The following RGS13 variants were observed in gnomAD, a reference collection of about 807,000 sequenced individuals.
RGS13 encodes regulator of G protein signaling 13, also known as regulator of G-protein signalling 13.
In RGS13, 14 loss-of-function variants were observed where a neutral mutation model predicts 19.9. That is an observed-to-expected ratio of 0.70 (90% CI 0.46 to 1.10). The LOEUF (loss-of-function observed/expected upper bound fraction) is 1.10, where lower values mean the gene tolerates loss of function less well. RGS13 is among the 50% of genes least tolerant of loss of function. RGS13 has a pLI of 0.00. For missense variants in RGS13, 205 were observed against 187.1 expected, an observed-to-expected ratio of 1.10 and a Z score of -0.56; for synonymous variants, 60 against 56.8, an observed-to-expected ratio of 1.06 and a Z score of -0.25.
Position 192,655,467 on chromosome 1 carries a change from CTT to C in RGS13, c.128-2731_128-2730del, listed in dbSNP as rs571543123. On this transcript the variant is annotated intron_variant, in intron 5 of 6. Transcript: ENST00000391995. Reference sequence around the variant, plus strand: ...CAGCCTTCGGGCTAAAGGAGCAGCTCTTTTCTAGAATATGCTCTTCTTGTGGT... The same window carrying C: ...CAGCCTTCGGGCTAAAGGAGCAGCTCTTCTAGAATATGCTCTTCTTGTGGT... 6.6e-5 allele frequency among the ~76,000 whole-genome samples: 10 copies of C among 152,196 alleles called. 1 individual carries two copies. The South Asian group carries it at 2.1e-3, about 32-fold the overall frequency.
chr1:192,647,098 A>G (rs559083303), intron 4 of RGS13: 5 of 152,302 alleles, frequency 3.3e-5, no homozygotes, highest in Admixed American at 3.3e-4. Flanking sequence ...CTTTAGGGTT[A>G]CTAACTGTAT....
intron 4 of RGS13, chr1:192,646,582 A>G (rs1226306941): frequency 1.3e-5 from 2 of 152,126 alleles, no homozygotes; most frequent in Non-Finnish European, 1.5e-5. Context: ...TGCTGCACAG[A>G]TCATCCTATC....
At position 192,641,248 on chromosome 1, in the gene RGS13, A is replaced by G. The variant is rs28538801; in HGVS notation, c.-5+3045A>G. 2.2e-3 allele frequency among the ~76,000 whole-genome samples: 100 copies of G among 44,594 alleles called. 1 individual carries two copies. Among genetic ancestry groups the G allele is most frequent in the Non-Finnish European group, 1.5e-3 (23 of 15,460 alleles). 29.3% of individuals were successfully genotyped at this position (44,594 alleles called of 152,430 possible). On this transcript the variant is annotated intron_variant, in intron 3 of 6. Coordinates refer to ENST00000391995, the MANE Select transcript of RGS13 (RefSeq NM_002927.5). ...AGAAAGAAAGAAAGAAAGAAAGAAA[A>G]GAAAGAAAAGAAAGAAAGAAAGAAA...
At chr1:192,652,612 T>G (rs1663362914) in intron 5 of RGS13, among the ~76,000 whole-genome samples, 2 of 152,040 alleles carry the variant, frequency 1.3e-5, no homozygotes, top group Admixed American at 1.3e-4. Flanking sequence ...ATTTTTTTTT[T>G]GGTATTGCTT....
In RGS13 at chr1:192,636,694, T is replaced by C. The variant is rs1347601196; in HGVS notation, c.-116+377T>C. Among the ~76,000 whole-genome samples the C allele has an allele frequency of 2.0e-5, 3 of 151,758 alleles. No individual in the cohort carries two copies. The South Asian group carries it at 6.2e-4, about 31-fold the overall frequency. On this transcript the variant is annotated intron_variant, in intron 1 of 6. Coordinates refer to ENST00000391995, the MANE Select transcript of RGS13 (RefSeq NM_002927.5). ...ATTATTTGTTTCAAAAATCATGCAT[T>C]ACCAAATTATTAGTTCCATCCTTTG... is the stretch of plus-strand genomic sequence containing the variant.
At chr1:192,653,306 T>C (rs2102036636) in intron 5 of RGS13, among the ~76,000 whole-genome samples, 1 of 152,212 alleles carries the variant, frequency 6.6e-6, no homozygotes, top group Admixed American at 6.6e-5. Flanking sequence ...TTTAAACAAC[T>C]ACAAGTTACT....
intron 3 of RGS13, among the ~76,000 whole-genome samples, chr1:192,643,873 G>T (rs775599310): frequency 6.6e-6 from 1 of 152,090 alleles, no homozygotes; most frequent in Non-Finnish European, 1.5e-5. Flanking sequence ...GGTCACCTAA[G>T]ACTGGGGATG....
chr1:192,641,240 GAAAGAAAAGAAAGA>G (rs1195902412), intron 3 of RGS13, among the ~76,000 whole-genome samples: 4 of 90,670 alleles, frequency 4.4e-5, no homozygotes, highest in South Asian at 3.9e-4. Flanking sequence ...AAGAAAGAAA[GAAAGAAAAGAAAGA>G]AAAGAAAGAA....
intron 5 of RGS13, among the ~76,000 whole-genome samples, chr1:192,648,357 A>G (rs1287922316): frequency 1.3e-5 from 2 of 152,140 alleles, no homozygotes; most frequent in African/African-American, 4.8e-5. Context: ...TGCTGTTCTA[A>G]AACTCCTCCC....
chr1:192,654,623 A>T (rs1445131475), intron 5 of RGS13, among the ~76,000 whole-genome samples: 1 of 152,044 alleles, frequency 6.6e-6, no homozygotes, highest in Non-Finnish European at 1.5e-5. Context: ...TTCTAATGGT[A>T]CTGCAACGTA....
In RGS13 at chr1:192,659,774, T is replaced by C; in HGVS notation, c.*251T>C. ...ATATAAGGAAAAGGAAGGTCTTTCT[T>C]CATGATACAAGCATTATAAAGTTTT... On this transcript the variant is annotated 3_prime_UTR_variant, in exon 7 of 7. Coordinates refer to ENST00000391995, the MANE Select transcript of RGS13 (RefSeq NM_002927.5). 1 of 334,412 alleles carries C rather than the reference T, an allele frequency of 3.0e-6. No individual in the cohort carries two copies. 20.7% of individuals were successfully genotyped at this position (334,412 alleles called of 1,614,324 possible). A position where few individuals can be genotyped will look rare whatever the true frequency, so the allele number is the denominator to read the frequency against.
At chr1:192,639,513 A>AT (rs1294126896) in intron 3 of RGS13, among the ~76,000 whole-genome samples, 1 of 152,164 alleles carries the variant, frequency 6.6e-6, no homozygotes, top group Non-Finnish European at 1.5e-5. Flanking sequence ...TTTGCAGATT[A>AT]TATGTTGACA....
chr1:192,657,175 G>A (rs1049446135), intron 5 of RGS13, among the ~76,000 whole-genome samples: 2 of 151,928 alleles, frequency 1.3e-5, no homozygotes, highest in Non-Finnish European at 2.9e-5. Flanking sequence ...ACAGTCTCTA[G>A]GTGGTTATTA....
At chr1:192,658,166 C>G in intron 5 of RGS13, 35 bp from the exon 6 acceptor site, 3 of 1,510,822 alleles carry the variant, frequency 2.0e-6, no homozygotes, top group South Asian at 1.3e-5. Context: ...TGATTTTGAC[C>G]CATGAAAATA....
chr1:192,654,803 T>G (rs1358736183), intron 5 of RGS13, among the ~76,000 whole-genome samples: 1 of 152,050 alleles, frequency 6.6e-6, no homozygotes, highest in Admixed American at 6.6e-5. Flanking sequence ...ATACTAATTT[T>G]AGTGACTAGT....
intron 3 of RGS13, among the ~76,000 whole-genome samples, chr1:192,641,250 AAAG>A (rs1283907598): frequency 1.2e-4 from 7 of 56,290 alleles, no homozygotes; most frequent in African/African-American, 3.5e-4. Context: ...GAAAGAAAAG[AAAG>A]AAAAGAAAGA....
At position 192,659,535 on chromosome 1, in the gene RGS13, A is replaced by C. The variant is rs1663574118; in HGVS notation, c.*12A>C. ...ACAACAGTTTCTGACTACAACTCAA[A>C]AGTTTAAATAGAAAACAGTATATTG... On this transcript the variant is annotated 3_prime_UTR_variant, in exon 7 of 7. Transcript: ENST00000391995. 6.3e-7 allele frequency: 1 copy of C among 1,584,390 alleles called. No homozygotes were observed. The highest frequency in any genetic ancestry group is 1.8e-5 in the Admixed American group (1 of 55,784).
At chr1:192,641,657 G>A (rs1429858550) in intron 3 of RGS13, among the ~76,000 whole-genome samples, 2 of 152,124 alleles carry the variant, frequency 1.3e-5, no homozygotes, top group Non-Finnish European at 2.9e-5. Context: ...TGGTTTCTGT[G>A]ATACTGTGTT....
At chr1:192,638,530 G>C (rs1310307879) in intron 3 of RGS13, among the ~76,000 whole-genome samples, 1 of 152,054 alleles carries the variant, frequency 6.6e-6, no homozygotes, top group Non-Finnish European at 1.5e-5. Context: ...TGTGAATCCA[G>C]TAGTAATCAA....
Sources: gnomAD v4.1 joint callset for allele counts (sites outside exome capture counted in the v4.1 genomes callset) on GRCh38, gnomAD v4.1.1 for gene constraint, MANE v1.5 for transcripts, NCBI Gene and HGNC (gene_info 2026-07-23, HGNC 2026-07-21) for gene names.